The following FGGY variants were observed in gnomAD, a reference collection of about 807,000 sequenced individuals.
The protein encoded by FGGY is FGGY carbohydrate kinase domain-containing protein.
FGGY carries 72 observed loss-of-function variants against 71.3 expected under a neutral mutation model. The observed-to-expected ratio is 1.01, with a 90% CI of 0.84 to 1.23. The LOEUF (loss-of-function observed/expected upper bound fraction) is 1.23, where lower values mean the gene tolerates loss of function less well. Ranked by LOEUF, FGGY falls within the 50% of genes most tolerant of loss-of-function variation. The pLI is 0.00. For synonymous variants in FGGY, 251 were observed against 250.3 expected, an observed-to-expected ratio of 1.00 and a Z score of -0.02; for missense variants, 668 against 682.3, an observed-to-expected ratio of 0.98 and a Z score of 0.23.
chr1:59,406,204 T>TTTTTTTTTTTTTTTTTGA (rs1553183870), intron 5 of FGGY, among the ~76,000 whole-genome samples: 1 of 151,100 alleles, frequency 6.6e-6, no homozygotes, highest in African/African-American at 2.4e-5. Flanking sequence ...TGTGGCACTT[T>TTTTTTTTTTTTTTTTTGA]CACAGTCATT....
intron 14 of FGGY, among the ~76,000 whole-genome samples, chr1:59,713,026 C>T (rs2097809609): frequency 3.3e-5 from 5 of 152,332 alleles, no homozygotes; most frequent in African/African-American, 1.2e-4. Context: ...CAAGTCGCCT[C>T]TTGAATGCTT....
chr1:59,592,798 C>T (rs61218678), intron 8 of FGGY, among the ~76,000 whole-genome samples: 5 of 120,170 alleles, frequency 4.2e-5, no homozygotes, highest in Admixed American at 8.6e-5. Flanking sequence ...GGTGGGGGGA[C>T]GGGGGAGGGA....
intron 6 of FGGY, among the ~76,000 whole-genome samples, chr1:59,470,039 G>A (rs992086174): frequency 6.6e-6 from 1 of 152,124 alleles, no homozygotes; most frequent in African/African-American, 2.4e-5. Flanking sequence ...TTGCTATTGT[G>A]AACAGTGCTG....
chr1:59,634,798 A>G (rs891041758), intron 10 of FGGY, among the ~76,000 whole-genome samples: 2 of 152,240 alleles, frequency 1.3e-5, no homozygotes, highest in Admixed American at 1.3e-4. Flanking sequence ...TTTAATCTTC[A>G]TAGCAGCCTT....
chr1:59,359,260 A>T (rs1162635423), intron 4 of FGGY, among the ~76,000 whole-genome samples: 5 of 152,230 alleles, frequency 3.3e-5, no homozygotes, highest in Admixed American at 6.5e-5. Context: ...GTTTAAGTTA[A>T]AAATCCCAGA....
chr1:59,701,686 G>A (rs191992596), intron 14 of FGGY, among the ~76,000 whole-genome samples: 2 of 152,234 alleles, frequency 1.3e-5, no homozygotes, highest in African/African-American at 4.8e-5. Context: ...AAATAAAGGC[G>A]AGTATATGTC....
At chr1:59,601,029 G>A (rs2096572474) in intron 8 of FGGY, among the ~76,000 whole-genome samples, 1 of 147,660 alleles carries the variant, frequency 6.8e-6, no homozygotes, top group African/African-American at 2.5e-5. Flanking sequence ...GGAGTTGGCT[G>A]GATTGTGTAT....
chr1:59,337,123 A>C (rs2049757293), intron 2 of FGGY, among the ~76,000 whole-genome samples: 1 of 151,328 alleles, frequency 6.6e-6, no homozygotes, highest in Non-Finnish European at 1.5e-5. Flanking sequence ...GTGAAGTTCC[A>C]CAATAGGTCA....
chr1:59,379,032 G>A (rs1350739807), intron 5 of FGGY, among the ~76,000 whole-genome samples, 195 bp downstream of exon 5: 1 of 151,996 alleles, frequency 6.6e-6, no homozygotes, highest in Non-Finnish European at 1.5e-5. Flanking sequence ...TAAGAGCCCT[G>A]GAATGTGAGT....
At chr1:59,673,993 C>A (rs1345642164) in intron 13 of FGGY, 46 bp from the exon 14 acceptor site, 1 of 1,570,048 alleles carries the variant, frequency 6.4e-7, no homozygotes, top group Non-Finnish European at 8.7e-7. Flanking sequence ...TCCTCACACT[C>A]CCCTGGCTCT....
At chr1:59,551,931 C>T (rs1482420742) in intron 7 of FGGY, among the ~76,000 whole-genome samples, 1 of 152,158 alleles carries the variant, frequency 6.6e-6, no homozygotes, top group Non-Finnish European at 1.5e-5. Flanking sequence ...AGGATTCACT[C>T]AGCAAAACAC....
At chr1:59,659,410 AAC>A (rs2097254091) in intron 11 of FGGY, among the ~76,000 whole-genome samples, 1 of 152,226 alleles carries the variant, frequency 6.6e-6, no homozygotes, top group South Asian at 2.1e-4. Flanking sequence ...AGCTCAGGAC[AAC>A]ACACACCATA....
chr1:59,431,906 A>G (rs747125706), intron 5 of FGGY, among the ~76,000 whole-genome samples: 8 of 152,126 alleles, frequency 5.3e-5, no homozygotes, highest in South Asian at 2.1e-4. Flanking sequence ...GCGATAGAGC[A>G]TCTTTTGCTT....
intron 5 of FGGY, among the ~76,000 whole-genome samples, chr1:59,441,008 GTATT>G (rs2069714552): frequency 6.6e-6 from 1 of 151,958 alleles, no homozygotes; most frequent in Non-Finnish European, 1.5e-5. Flanking sequence ...TTTTTCTCTG[GTATT>G]TATTTATTGA....
At chr1:59,358,649 A>C (rs2153229136) in intron 4 of FGGY, among the ~76,000 whole-genome samples, 1 of 152,166 alleles carries the variant, frequency 6.6e-6, no homozygotes, top group Non-Finnish European at 1.5e-5. Context: ...CTGTTCCTCT[A>C]CTCAGCTTAC....
chr1:59,676,542 T>C (rs1300807244), intron 14 of FGGY, among the ~76,000 whole-genome samples: 1 of 151,540 alleles, frequency 6.6e-6, no homozygotes, highest in East Asian at 1.9e-4. Flanking sequence ...TATTCAAAAC[T>C]GGGATCTCCA....
intron 5 of FGGY, among the ~76,000 whole-genome samples, chr1:59,435,767 T>C (rs1341046358): frequency 6.6e-6 from 1 of 151,612 alleles, no homozygotes; most frequent in Non-Finnish European, 1.5e-5. Flanking sequence ...TGTGTGTGTG[T>C]GTGTGTGTGT....
chr1:59,588,226 A>G (rs2096350824), intron 8 of FGGY, among the ~76,000 whole-genome samples: 1 of 152,196 alleles, frequency 6.6e-6, no homozygotes, highest in Non-Finnish European at 1.5e-5. Flanking sequence ...AAATGAAGCG[A>G]GAAGGGAAGT....
At chr1:59,597,408 T>C (rs915717376) in intron 8 of FGGY, among the ~76,000 whole-genome samples, 2 of 152,186 alleles carry the variant, frequency 1.3e-5, no homozygotes, top group African/African-American at 4.8e-5. Context: ...AATTAACCCA[T>C]CTGAGTGATC....
Sources: allele counts gnomAD v4.1 joint callset (sites outside exome capture counted in the v4.1 genomes callset), GRCh38; gene constraint gnomAD v4.1.1; transcripts MANE v1.5; gene names NCBI Gene and HGNC (gene_info 2026-07-23, HGNC 2026-07-21).